EML6: variants seen among roughly 807,000 people sequenced by gnomAD.
EML6 encodes the protein echinoderm microtubule-associated protein-like 6.
EML6 carries 154 observed loss-of-function variants against 240.1 expected under a neutral mutation model. The observed-to-expected ratio is 0.64, with a 90% CI of 0.56 to 0.73. The LOEUF (loss-of-function observed/expected upper bound fraction) is 0.73, where lower values mean the gene tolerates loss of function less well. Ranked by LOEUF, EML6 falls within the 30% of genes least tolerant of loss-of-function variation. The pLI is 0.00. For synonymous variants in EML6, 1,148 were observed against 899.0 expected (o/e 1.28, Z -4.95); for missense variants, 2,964 against 2,474.6 (o/e 1.20, Z -4.20).
At chr2:54,738,971 G>T (rs529266458) in intron 2 of EML6, among the ~76,000 whole-genome samples, 9 of 152,088 alleles carry the variant, frequency 5.9e-5, no homozygotes, top group Middle Eastern at 3.2e-3. Flanking sequence ...GGCCAGATGC[G>T]GTGGCTCACT....
At chr2:54,836,507 G>C (rs965503431) in intron 7 of EML6, among the ~76,000 whole-genome samples, 2 of 152,182 alleles carry the variant, frequency 1.3e-5, no homozygotes, top group African/African-American at 4.8e-5. Context: ...GCAGGTCATA[G>C]GCAGTCCACG....
chr2:54,970,116 T>C lies in EML6; in HGVS notation c.*21T>C, dbSNP rs1003686108. On this transcript the variant is annotated 3_prime_UTR_variant, in exon 42 of 42. Coordinates refer to ENST00000356458, the MANE Select transcript of EML6 (RefSeq NM_001039753.4). ...TGTAAAATGCCAGAAGCCTCTTATG[T>C]TATTGCTGCTGCTGCTACCAGCCAG... 6.4e-7 allele frequency: 1 copy of C among 1,551,570 alleles called. No homozygotes were observed. Among genetic ancestry groups the C allele is most frequent in the Non-Finnish European group, 8.7e-7 (1 of 1,146,842 alleles).
intron 2 of EML6, among the ~76,000 whole-genome samples, chr2:54,781,308 G>A (rs1001690662): frequency 2.1e-4 from 32 of 152,160 alleles, no homozygotes; most frequent in Admixed American, 9.8e-4. Flanking sequence ...CATTCTTGTC[G>A]AGACCCTTCT....
chr2:54,839,053 C>G (rs780503630), intron 7 of EML6, among the ~76,000 whole-genome samples: 1 of 152,214 alleles, frequency 6.6e-6, no homozygotes, highest in African/African-American at 2.4e-5. Context: ...CCTTCTAATG[C>G]TGCAGCTGCC....
At chr2:54,865,804 T>A (rs1485957334) in intron 13 of EML6, among the ~76,000 whole-genome samples, 1 of 152,238 alleles carries the variant, frequency 6.6e-6, no homozygotes, top group Non-Finnish European at 1.5e-5. Flanking sequence ...TTGATTTACA[T>A]TCACAATATT....
Position 54,959,130 on chromosome 2 carries a change from C to G in EML6, c.4722C>G (p.Ile1574Met), listed in dbSNP as rs1558727285. 1.9e-6 allele frequency: 3 copies of G among 1,551,370 alleles called. No homozygotes were observed. The highest frequency in any genetic ancestry group is 1.7e-6 in the Non-Finnish European group (2 of 1,146,886). ...ACAATCTCACTTTCACGGGTGCCAT[C>G]AATGGAGATGTCTACGTCTGGAAGG... ...GANNLTFTGA[I>M]NGDVYVWKDH... Residue 1574 changes from isoleucine to methionine, a missense_variant, in exon 34 of 42, where the codon ATC becomes ATG. Coordinates refer to ENST00000356458, the MANE Select transcript of EML6 (RefSeq NM_001039753.4).
At position 54,723,733 on chromosome 2, in the gene EML6, C is replaced by T. The variant is rs568593613; in HGVS notation, c.-558C>T. ...AGGCAGAGGATTTCGCTCGCTCGCC[C>T]GCGCGGGATCCGGGACGCGCCGGTG... On this transcript the variant is annotated 5_prime_UTR_variant, in exon 1 of 42. Coordinates refer to ENST00000356458, the MANE Select transcript of EML6 (RefSeq NM_001039753.4). The T allele has an allele frequency of 1.4e-3, 209 of 152,450 alleles. 1 individual carries two copies. The highest frequency in any genetic ancestry group is 4.8e-3 in the African/African-American group (201 of 41,584). The allele number at this position is 152,450 out of a possible 1,614,324, so 9.4% of individuals were successfully genotyped here.
At chr2:54,866,642 ATGTCT>A in intron 13 of EML6, 119 bp from the exon 14 acceptor site, 2 of 511,370 alleles carry the variant, frequency 3.9e-6, no homozygotes, top group Non-Finnish European at 7.2e-6. Flanking sequence ...ATTCATTCTC[ATGTCT>A]TAAGTTTTCA....
At chr2:54,733,151 G>C (rs570718786) in intron 2 of EML6, among the ~76,000 whole-genome samples, 1 of 152,220 alleles carries the variant, frequency 6.6e-6, no homozygotes, top group African/African-American at 2.4e-5. Context: ...GAGGGGAGCA[G>C]CAGGCCAGCC....
chr2:54,794,673 G>A (rs1158763266), intron 2 of EML6, among the ~76,000 whole-genome samples: 1 of 152,126 alleles, frequency 6.6e-6, no homozygotes, highest in Non-Finnish European at 1.5e-5. Context: ...AGTAAAGGCT[G>A]GGCCACCTGT....
At chr2:54,953,661 C>T (rs1243497164) in intron 31 of EML6, among the ~76,000 whole-genome samples, 6 of 151,970 alleles carry the variant, frequency 3.9e-5, no homozygotes, top group South Asian at 2.1e-4. Context: ...GGGAGGCGGG[C>T]GGATCACCTG....
At position 54,847,549 on chromosome 2, in the gene EML6, T is replaced by C. The variant is rs1397156375; in HGVS notation, c.1113T>C (p.Ser371=). 1.3e-6 allele frequency: 2 copies of C among 1,552,160 alleles called. No homozygotes were observed. The highest frequency in any genetic ancestry group is 1.7e-6 in the Non-Finnish European group (2 of 1,147,136). The change falls in exon 9 of 42, where the codon AGT becomes AGC. Residue 371 remains serine, a synonymous_variant. Coordinates refer to ENST00000356458, the MANE Select transcript of EML6 (RefSeq NM_001039753.4). ...ARCNMEEAVR[S]VAFSPDGSQL... is the part of the protein sequence containing the mutation. ...GTAACATGGAAGAGGCGGTTCGCAGTGTAGCTTTCAGCCCCGACGGATCTC... is the reference window on the plus strand; with the variant it reads ...GTAACATGGAAGAGGCGGTTCGCAGCGTAGCTTTCAGCCCCGACGGATCTC...
intron 15 of EML6, among the ~76,000 whole-genome samples, 174 bp from the exon 16 acceptor site, chr2:54,871,326 G>C (rs1558634792): frequency 6.6e-6 from 1 of 152,352 alleles, no homozygotes; most frequent in African/African-American, 2.4e-5. Context: ...TAGAGATACA[G>C]TGCCTCAGTT....
At chr2:54,829,500 C>G in intron 7 of EML6, 23 bp downstream of exon 7, 1 of 1,526,958 alleles carries the variant, frequency 6.5e-7, no homozygotes, top group Non-Finnish European at 8.9e-7. Context: ...TTAAGCTTAC[C>G]TGTAACTCTG....
At chr2:54,844,809 T>C (rs532023308) in intron 8 of EML6, among the ~76,000 whole-genome samples, 11 of 152,372 alleles carry the variant, frequency 7.2e-5, no homozygotes, top group East Asian at 5.8e-4. Flanking sequence ...ATCATTTTTA[T>C]TCTTTTGAGA....
chr2:54,904,181 G>C (rs1673199620), intron 24 of EML6, among the ~76,000 whole-genome samples: 1 of 152,126 alleles, frequency 6.6e-6, no homozygotes, highest in South Asian at 2.1e-4. Flanking sequence ...TAATACAAGA[G>C]CACAAAATGG....
chr2:54,934,366 T>G (rs538669485), intron 28 of EML6, among the ~76,000 whole-genome samples: 169 of 152,184 alleles, frequency 1.1e-3, no homozygotes, highest in African/African-American at 3.8e-3. Context: ...AGAGACTGGC[T>G]CAGGGCTTGG....
chr2:54,795,647 C>T (rs1180150019), intron 2 of EML6, among the ~76,000 whole-genome samples: 2 of 152,186 alleles, frequency 1.3e-5, no homozygotes, highest in Non-Finnish European at 2.9e-5. Context: ...GGCCTCAGTA[C>T]TGTACAGTCA....
intron 21 of EML6, among the ~76,000 whole-genome samples, chr2:54,897,899 A>C (rs1002804717): frequency 6.6e-6 from 1 of 152,188 alleles, no homozygotes; most frequent in African/African-American, 2.4e-5. Flanking sequence ...TGATAGAGAC[A>C]GCAAGGGAAA....
Sources: allele counts gnomAD v4.1 joint callset (sites outside exome capture counted in the v4.1 genomes callset), GRCh38; gene constraint gnomAD v4.1.1; transcripts MANE v1.5; gene names NCBI Gene and HGNC (gene_info 2026-07-23, HGNC 2026-07-21).